The following ZZZ3 variants were observed in gnomAD, a reference collection of about 807,000 sequenced individuals.
The protein encoded by ZZZ3 is ZZ-type zinc finger-containing protein 3.
ZZZ3 carries 22 observed loss-of-function variants against 95.2 expected under a neutral mutation model. That is an observed-to-expected ratio of 0.23 (90% confidence interval 0.17 to 0.33). The LOEUF is 0.33. ZZZ3 is among the 10% of genes least tolerant of loss of function. ZZZ3 has a pLI of 1.00. For synonymous variants in ZZZ3, 335 were observed against 358.9 expected, an observed-to-expected ratio of 0.93 and a Z score of 0.75; for missense variants, 885 against 1,066.5, an observed-to-expected ratio of 0.83 and a Z score of 2.37.
rs141287008 is a variant in ZZZ3 at position 77,563,819 on chromosome 1, C to T, written c.*1821G>A. ...CCAGGGTGAGAAGTTAAGCTCAAGTCCATTTACTTTCCTTCTGTTATGATA... is the reference window on the plus strand; with the variant it reads ...CCAGGGTGAGAAGTTAAGCTCAAGTTCATTTACTTTCCTTCTGTTATGATA... On this transcript the variant is annotated 3_prime_UTR_variant, in exon 15 of 15. Coordinates refer to ENST00000370801, the MANE Select transcript of ZZZ3 (RefSeq NM_015534.6). The T allele has an allele frequency of 1.3e-3, 193 of 152,214 alleles. 6 individuals carry two copies. The highest frequency in any genetic ancestry group is 4.5e-3 in the African/African-American group (187 of 41,548). The allele number at this position is 152,214 out of a possible 1,614,324, so 9.4% of individuals were successfully genotyped here.
chr1:77,579,451 T>C lies in ZZZ3; in HGVS notation c.2082+76A>G, dbSNP rs936560642. The C allele has an allele frequency of 6.6e-6, 7 of 1,053,860 alleles. No individual in the cohort carries two copies. In the Admixed American group the frequency reaches 1.4e-4, roughly 21 times the overall value. 65.3% of individuals were successfully genotyped at this position (1,053,860 alleles called of 1,614,324 possible). On this transcript the variant is annotated intron_variant, in intron 10 of 14. Transcript: ENST00000370801. ...GAAAGTGTTATGGCAGATCGCCCAATGTCAGCTGCATTATTCTCCTTTATT... is the reference window on the plus strand; with the variant it reads ...GAAAGTGTTATGGCAGATCGCCCAACGTCAGCTGCATTATTCTCCTTTATT...
chr1:77,597,487 TACAGTGG>T (rs1457910537), intron 5 of ZZZ3, among the ~76,000 whole-genome samples: 3 of 151,934 alleles, frequency 2.0e-5, no homozygotes, highest in African/African-American at 7.2e-5. Context: ...AAAGAATAAT[TACAGTGG>T]AGAAACCTGA....
chr1:77,674,808 T>C (rs1348287741), intron 1 of ZZZ3, among the ~76,000 whole-genome samples: 1 of 151,598 alleles, frequency 6.6e-6, no homozygotes, highest in East Asian at 1.9e-4. Flanking sequence ...AAAAATGAGC[T>C]GCACATAGTG....
At chr1:77,592,357 C>G (rs1663789512) in intron 5 of ZZZ3, among the ~76,000 whole-genome samples, 1 of 152,216 alleles carries the variant, frequency 6.6e-6, no homozygotes, top group African/African-American at 2.4e-5. Flanking sequence ...GGATAGAGTG[C>G]AGTGGCGTGA....
chr1:77,583,722 C>T (rs1396097114), intron 6 of ZZZ3, among the ~76,000 whole-genome samples: 4 of 152,036 alleles, frequency 2.6e-5, no homozygotes, highest in Non-Finnish European at 2.9e-5. Flanking sequence ...GATAAGGTTT[C>T]GTTTCTTTTT....
At position 77,565,929 on chromosome 1, in the gene ZZZ3, A is replaced by G. The variant is rs1660777226; in HGVS notation, c.2568-145T>C. ...GGAAAGTTACTTGACATGTGGTATGATTACAGAAAAAAATTAATTGCCTAG... is the reference window on the plus strand; with the variant it reads ...GGAAAGTTACTTGACATGTGGTATGGTTACAGAAAAAAATTAATTGCCTAG... On this transcript the variant is annotated intron_variant, in intron 14 of 14. Coordinates refer to ENST00000370801, the MANE Select transcript of ZZZ3 (RefSeq NM_015534.6). 3.6e-6 allele frequency: 4 copies of G among 1,114,956 alleles called. No individual in the cohort carries two copies. In the Admixed American group the frequency reaches 1.1e-4, roughly 32 times the overall value. The allele number at this position is 1,114,956 out of a possible 1,614,324, so 69.1% of individuals were successfully genotyped here.
intron 1 of ZZZ3, among the ~76,000 whole-genome samples, chr1:77,662,520 C>G (rs1437596430): frequency 6.6e-6 from 1 of 152,046 alleles, no homozygotes; most frequent in African/African-American, 2.4e-5. Flanking sequence ...TTGAACATAC[C>G]CTGTAGTGAC....
chr1:77,652,636 C>A (rs1669910784), intron 1 of ZZZ3, among the ~76,000 whole-genome samples: 1 of 152,086 alleles, frequency 6.6e-6, no homozygotes, highest in Non-Finnish European at 1.5e-5. Context: ...CACACAAAAA[C>A]ATGTACAAAA....
At chr1:77,605,437 C>T (rs537940232) in intron 5 of ZZZ3, among the ~76,000 whole-genome samples, 19 of 152,268 alleles carry the variant, frequency 1.2e-4, no homozygotes, top group African/African-American at 4.6e-4. Context: ...AACTGCAGTT[C>T]CTAGGCAAGT....
chr1:77,636,413 T>A (rs187672978), intron 4 of ZZZ3, among the ~76,000 whole-genome samples: 1 of 152,220 alleles, frequency 6.6e-6, no homozygotes, highest in East Asian at 1.9e-4. Context: ...TATTCTTTAC[T>A]ATAAAATATC....
intron 1 of ZZZ3, among the ~76,000 whole-genome samples, chr1:77,649,458 T>TAGAC (rs1409639175): frequency 6.6e-6 from 1 of 151,860 alleles, no homozygotes. Context: ...AAACCTATCA[T>TAGAC]AGACAGACAT....
chr1:77,616,840 C>T (rs887339947), intron 5 of ZZZ3, among the ~76,000 whole-genome samples: 3 of 151,912 alleles, frequency 2.0e-5, no homozygotes, highest in Middle Eastern at 3.4e-3. Context: ...GCACTCCAGC[C>T]TGGGAAACAG....
At chr1:77,663,619 C>T (rs562534711) in intron 1 of ZZZ3, among the ~76,000 whole-genome samples, 18 of 152,296 alleles carry the variant, frequency 1.2e-4, no homozygotes, top group Middle Eastern at 3.4e-3. Context: ...AATATCATAT[C>T]CCTTATTATG....
At chr1:77,606,758 A>AAT (rs1221772748) in intron 5 of ZZZ3, among the ~76,000 whole-genome samples, 1 of 152,192 alleles carries the variant, frequency 6.6e-6, no homozygotes, top group Admixed American at 6.6e-5. Context: ...TAAGAACTAC[A>AAT]ATGTTACTGG....
At chr1:77,628,187 G>C (rs1667489991) in intron 5 of ZZZ3, among the ~76,000 whole-genome samples, 1 of 152,172 alleles carries the variant, frequency 6.6e-6, no homozygotes, top group Non-Finnish European at 1.5e-5. Flanking sequence ...CTCATTCAGT[G>C]AGGCTATTTA....
In ZZZ3 at chr1:77,587,258, CTTTTTTTTTTTTTT is replaced by C. The variant is rs34952237; in HGVS notation, c.1506-2617_1506-2604del. 7.0e-5 allele frequency among the ~76,000 whole-genome samples: 6 copies of C among 85,260 alleles called. No homozygotes were observed. The East Asian group carries it at 1.5e-3, about 22-fold the overall frequency. The allele number at this position is 85,260 out of a possible 152,430, so 55.9% of individuals were successfully genotyped here. On this transcript the variant is annotated intron_variant, in intron 5 of 14. Transcript: ENST00000370801. ...TTAAAAATCAACTCCAACTTTGACC[CTTTTTTTTTTTTTT>C]TTTTTTTTGAGACAGAGTCTCGCTC...
chr1:77,626,500 C>T (rs368915993), intron 5 of ZZZ3, among the ~76,000 whole-genome samples: 3 of 152,138 alleles, frequency 2.0e-5, no homozygotes, highest in South Asian at 4.1e-4. Context: ...GAGCGTGCAA[C>T]CTAGATCCCT....
chr1:77,672,497 G>A (rs1403242488), intron 1 of ZZZ3, among the ~76,000 whole-genome samples: 1 of 152,140 alleles, frequency 6.6e-6, no homozygotes, highest in East Asian at 1.9e-4. Flanking sequence ...TGTTCATTTT[G>A]TTTTTTAATG....
At chr1:77,587,906 G>A (rs753003237) in intron 5 of ZZZ3, among the ~76,000 whole-genome samples, 3 of 152,184 alleles carry the variant, frequency 2.0e-5, no homozygotes, top group Admixed American at 6.5e-5. Flanking sequence ...TTCACTTAAT[G>A]AATAGTAAAT....
Sources: gnomAD v4.1 joint callset for allele counts (sites outside exome capture counted in the v4.1 genomes callset) on GRCh38, gnomAD v4.1.1 for gene constraint, MANE v1.5 for transcripts, NCBI Gene and HGNC (gene_info 2026-07-23, HGNC 2026-07-21) for gene names.